Variants in ASIC2 observed in about 807,000 individuals in gnomAD.
The protein encoded by ASIC2 is acid sensing ion channel subunit 2, also known as acid-sensing ion channel 2.
Under a neutral mutation model 57.3 loss-of-function variants are expected in ASIC2, and 25 were observed. That is an observed-to-expected ratio of 0.44 (90% CI 0.32 to 0.61). The LOEUF is 0.61. Among genes scored for constraint, ASIC2 ranks in the 20% least tolerant of loss-of-function variants. The pLI is 0.06. For synonymous variants in ASIC2, 319 were observed against 307.5 expected (o/e 1.04, Z -0.39); for missense variants, 641 against 738.1 (o/e 0.87, Z 1.52).
At chr17:33,561,459 C>A (rs995387696) in intron 1 of ASIC2, among the ~76,000 whole-genome samples, 1 of 152,176 alleles carries the variant, frequency 6.6e-6, no homozygotes, top group African/African-American at 2.4e-5. Flanking sequence ...AAGGCAACCC[C>A]ACTTTACATT....
At chr17:33,188,736 A>AT (rs1408911628) in intron 1 of ASIC2, among the ~76,000 whole-genome samples, 1 of 152,134 alleles carries the variant, frequency 6.6e-6, no homozygotes, top group Non-Finnish European at 1.5e-5. Context: ...AAAAGTAAAG[A>AT]TTTTTTTCAA....
chr17:33,963,879 C>T (rs1156810751), intron 1 of ASIC2, among the ~76,000 whole-genome samples: 4 of 136,468 alleles, frequency 2.9e-5, no homozygotes, highest in Non-Finnish European at 5.9e-5. Flanking sequence ...CAGCTGACAA[C>T]TTTCTTAAAA....
intron 1 of ASIC2, among the ~76,000 whole-genome samples, chr17:33,735,390 G>C (rs1909880132): frequency 6.6e-6 from 1 of 152,144 alleles, no homozygotes; most frequent in African/African-American, 2.4e-5. Flanking sequence ...CATTAGGAAA[G>C]GTTCACTGTA....
At chr17:33,121,748 G>A (rs2092303231) in intron 1 of ASIC2, among the ~76,000 whole-genome samples, 1 of 151,850 alleles carries the variant, frequency 6.6e-6, no homozygotes, top group African/African-American at 2.4e-5. Flanking sequence ...GATTATGCTG[G>A]CTGCATACCT....
At chr17:33,216,675 A>G (rs1267973382) in intron 1 of ASIC2, among the ~76,000 whole-genome samples, 3 of 152,194 alleles carry the variant, frequency 2.0e-5, no homozygotes, top group Non-Finnish European at 1.5e-5. Context: ...TGAGTTGGGA[A>G]TGGCTGGGAT....
chr17:33,802,842 G>A (rs765161967), intron 1 of ASIC2, among the ~76,000 whole-genome samples: 1 of 152,218 alleles, frequency 6.6e-6, no homozygotes, highest in African/African-American at 2.4e-5. Flanking sequence ...GTGCTCTTTC[G>A]TGGGGTTGAG....
At chr17:33,682,219 C>T (rs1307862858) in intron 1 of ASIC2, among the ~76,000 whole-genome samples, 1 of 146,952 alleles carries the variant, frequency 6.8e-6, no homozygotes, top group Non-Finnish European at 1.5e-5. Flanking sequence ...GCCACCATGC[C>T]TGGCTAATTT....
At chr17:33,809,091 A>G (rs1912347690) in intron 1 of ASIC2, among the ~76,000 whole-genome samples, 1 of 152,036 alleles carries the variant, frequency 6.6e-6, no homozygotes, top group South Asian at 2.1e-4. Flanking sequence ...CAAGGTCTTG[A>G]ACTTCTCTTT....
intron 1 of ASIC2, among the ~76,000 whole-genome samples, chr17:33,251,443 C>T (rs1908878760): frequency 6.6e-6 from 1 of 152,196 alleles, no homozygotes; most frequent in South Asian, 2.1e-4. Context: ...TATCCTCCCA[C>T]CTCAGCCTCC....
At chr17:33,805,331 T>C (rs1301572771) in intron 1 of ASIC2, among the ~76,000 whole-genome samples, 2 of 152,120 alleles carry the variant, frequency 1.3e-5, no homozygotes, top group African/African-American at 2.4e-5. Context: ...TCTTGGAAAA[T>C]ATCCCAGGTG....
chr17:33,374,240 G>C (rs191925674), intron 1 of ASIC2, among the ~76,000 whole-genome samples: 1 of 151,992 alleles, frequency 6.6e-6, no homozygotes, highest in African/African-American at 2.4e-5. Flanking sequence ...AGGTGATCCC[G>C]CCTGCCTCCA....
chr17:33,035,722 A>G (rs933384574), intron 3 of ASIC2, among the ~76,000 whole-genome samples: 1 of 152,200 alleles, frequency 6.6e-6, no homozygotes, highest in African/African-American at 2.4e-5. Context: ...AATGGCAGCA[A>G]CTGAAATTAC....
At chr17:34,094,122 G>A (rs754245296) in intron 1 of ASIC2, among the ~76,000 whole-genome samples, 3 of 152,156 alleles carry the variant, frequency 2.0e-5, no homozygotes, top group East Asian at 3.9e-4. Flanking sequence ...TGGTGATTGC[G>A]GAGAGGTGGG....
chr17:33,167,933 G>T (rs901316655), intron 1 of ASIC2, among the ~76,000 whole-genome samples: 1 of 152,294 alleles, frequency 6.6e-6, no homozygotes, highest in East Asian at 1.9e-4. Context: ...AAATTTAATT[G>T]CCTTTGGAAC....
intron 1 of ASIC2, among the ~76,000 whole-genome samples, chr17:33,253,188 G>A (rs1160309416): frequency 6.6e-6 from 1 of 152,274 alleles, no homozygotes; most frequent in Non-Finnish European, 1.5e-5. Flanking sequence ...CACACAGCTC[G>A]CAGGAGACAG....
chr17:33,578,252 AT>A (rs1916703905), intron 1 of ASIC2, among the ~76,000 whole-genome samples: 1 of 152,098 alleles, frequency 6.6e-6, no homozygotes, highest in Non-Finnish European at 1.5e-5. Context: ...GTGTTCCCCT[AT>A]CTACTGGTCA....
At chr17:33,560,081 C>T (rs956603615) in intron 1 of ASIC2, among the ~76,000 whole-genome samples, 4 of 152,124 alleles carry the variant, frequency 2.6e-5, no homozygotes, top group Admixed American at 2.6e-4. Flanking sequence ...ATTTGCTCAG[C>T]ATGAAGCTCT....
intron 1 of ASIC2, among the ~76,000 whole-genome samples, chr17:33,199,169 T>C (rs7216822): frequency 0.024 from 3,683 of 152,308 alleles, 145 homozygotes; most frequent in African/African-American, 0.084. Flanking sequence ...ATCAAACATT[T>C]ATTAAGGACC....
chr17:33,728,580 A>G (rs1397701729), intron 1 of ASIC2, among the ~76,000 whole-genome samples: 1 of 152,096 alleles, frequency 6.6e-6, no homozygotes, highest in East Asian at 2.0e-4. Flanking sequence ...TTCTCTGGGC[A>G]TACCTGTAAT....
Sources: allele counts gnomAD v4.1 joint callset (sites outside exome capture counted in the v4.1 genomes callset), GRCh38; gene constraint gnomAD v4.1.1; transcripts MANE v1.5; gene names NCBI Gene and HGNC (gene_info 2026-07-23, HGNC 2026-07-21).